DMBT1: variants seen among roughly 807,000 people sequenced by gnomAD.
The protein encoded by DMBT1 is deleted in malignant brain tumors 1.
Under a neutral mutation model 252.9 loss-of-function variants are expected in DMBT1, and 198 were observed. The ratio of observed to expected loss-of-function variants is 0.78; its 90% CI spans 0.70 to 0.88. The LOEUF is 0.88. Among genes scored for constraint, DMBT1 ranks in the 40% least tolerant of loss-of-function variants. DMBT1 has a pLI of 0.00. For missense variants in DMBT1, 2,432 were observed against 2,404.7 expected (o/e 1.01, Z -0.24); for synonymous variants, 990 against 942.7 (o/e 1.05, Z -0.92).
At chr10:122,566,994 A>G (rs3019522) in intron 2 of DMBT1, among the ~76,000 whole-genome samples, 101,999 of 152,114 alleles carry the variant, frequency 0.67, 34,566 homozygotes, top group East Asian at 0.78. Flanking sequence ...GACTTTGGCT[A>G]AATGTCCCTG....
Position 122,574,886 on chromosome 10 carries a change from G to C in DMBT1, c.283+1124G>C, listed in dbSNP as rs563600483. ...GCTCTTATCAGGAACTCTAGTGTCA[G>C]CTGGGAGTCACATTTCTTCTAGATC... On this transcript the variant is annotated intron_variant, in intron 6 of 55. Transcript: ENST00000338354. Among the ~76,000 whole-genome samples, 5 of 152,320 alleles carry C rather than the reference G, an allele frequency of 3.3e-5. No homozygotes were observed. In the South Asian group the frequency reaches 1.0e-3, roughly 32 times the overall value.
intron 26 of DMBT1, among the ~76,000 whole-genome samples, chr10:122,599,750 G>T (rs188584423): frequency 1.3e-5 from 2 of 152,278 alleles, no homozygotes; most frequent in East Asian, 1.9e-4. Context: ...AGGGATTTTG[G>T]CTGGAGTGGC....
Position 122,576,623 on chromosome 10 carries a change from C to T in DMBT1, c.508C>T (p.Arg170Cys), listed in dbSNP as rs756356724. The part of the protein sequence containing the change: ...GSGPIALDDV[R>C]CSGHESYLWS... ...AGGACCCATTGCCCTGGATGATGTG[C>T]GCTGCTCAGGACACGAATCCTACCT... Residue 170 changes from arginine to cysteine, a missense_variant, in exon 7 of 56, where the codon CGC becomes TGC. Around this residue, in one of 3 missense-constraint regions of DMBT1, gnomAD observed 1,264 missense variants for 1,082.2 expected, o/e 1.17. Transcript: ENST00000338354. 29 of 1,613,704 alleles carry T rather than the reference C, an allele frequency of 1.8e-5. No individual in the cohort carries two copies. The highest frequency in any genetic ancestry group is 6.6e-5 in the South Asian group (6 of 91,062).
At chr10:122,563,605 A>G (rs1438082334) in intron 1 of DMBT1, among the ~76,000 whole-genome samples, 1 of 151,020 alleles carries the variant, frequency 6.6e-6, no homozygotes, top group Non-Finnish European at 1.5e-5. Flanking sequence ...AAATTAATAA[A>G]TCATTTTCCA....
intron 19 of DMBT1, 107 bp from the exon 20 acceptor site, chr10:122,592,165 C>T: frequency 6.7e-7 from 1 of 1,499,190 alleles, no homozygotes; most frequent in Non-Finnish European, 9.0e-7. Flanking sequence ...ATCGTGACTG[C>T]TTGTCCAGGC....
In DMBT1 at chr10:122,578,751, C is replaced by A; in HGVS notation, c.671C>A (p.Pro224His). 1.2e-6 allele frequency: 2 copies of A among 1,608,282 alleles called. No individual in the cohort carries two copies. Among genetic ancestry groups the A allele is most frequent in the East Asian group, 2.2e-5 (1 of 44,786 alleles). ...SWPVRISPPVPTEGSESSLAL... is the reference protein window; with the variant it reads ...SWPVRISPPVHTEGSESSLAL... ...CCTGTCAGGATATCACCACCTGTAC[C>A]CACAGAAGGTAAAGAATCCTCTCAA... Residue 224 changes from proline to histidine, a missense_variant, in exon 9 of 56, where the codon CCC (proline) becomes CAC (histidine). Physicochemically the swap from Pro to His is moderately conservative, Grantham distance 77 (BLOSUM62 -2). Around this residue, in one of 3 missense-constraint regions of DMBT1, gnomAD observed 1,264 missense variants for 1,082.2 expected, o/e 1.17. Coordinates refer to ENST00000338354, the MANE Select transcript of DMBT1 (RefSeq NM_001377530.1).
In DMBT1 at chr10:122,599,031, T is replaced by C; in HGVS notation, c.3214T>C (p.Cys1072Arg). The C allele has an allele frequency of 6.2e-7, 1 of 1,613,808 alleles. No homozygotes were observed. Among genetic ancestry groups the C allele is most frequent in the South Asian group, 1.1e-5 (1 of 91,072 alleles). ...AGGACACGAGTCTTACCTGTGGAGC[T>C]GCCCCCACAATGGCTGGCTCTCCCA... ...CSGHESYLWS[C>R]PHNGWLSHNC... The change falls in exon 26 of 56, where the codon TGC becomes CGC. Residue 1072 changes from cysteine (C) to arginine (R), a missense_variant. Cys to Arg is a radical substitution (Grantham distance 180). Transcript: ENST00000338354.
At chr10:122,578,836 G>T (rs893888574) in intron 9 of DMBT1, 77 bp downstream of exon 9, 18 of 1,415,104 alleles carry the variant, frequency 1.3e-5, no homozygotes, top group East Asian at 2.4e-5. Context: ...GTTCACTTAT[G>T]ATTGCCATAA....
rs1844308051 is a variant in DMBT1, at chr10:122,640,415, T to G, written c.7318T>G (p.Phe2440Val). ...CGTGGCATCACCATACTCCAATGAC[T>G]TCACGTCTTTGACTTATGATCTAAT... ...TCVASPYSNDFTSLTYDLIRS... is the reference protein window; with the variant it reads ...TCVASPYSNDVTSLTYDLIRS... The change falls in exon 55 of 56, where the codon TTC (phenylalanine) becomes GTC (valine). Residue 2440 changes from phenylalanine to valine, a missense_variant. Phe to Val is a conservative substitution (Grantham distance 50). Coordinates refer to ENST00000338354, the MANE Select transcript of DMBT1 (RefSeq NM_001377530.1). The G allele has an allele frequency of 6.2e-7, 1 of 1,613,836 alleles. No homozygotes were observed. Among genetic ancestry groups the G allele is most frequent in the South Asian group, 1.1e-5 (1 of 91,078 alleles).
rs1392115852 is a variant in DMBT1, at chr10:122,576,407, T to A, written c.292T>A (p.Ser98Thr). The A allele has an allele frequency of 6.2e-7, 1 of 1,613,734 alleles. No individual in the cohort carries two copies. Among genetic ancestry groups the A allele is most frequent in the Admixed American group, 1.7e-5 (1 of 60,006 alleles). The change falls in exon 7 of 56, where the codon TCT becomes ACT. Residue 98 changes from serine to threonine, a missense_variant. Coordinates refer to ENST00000338354, the MANE Select transcript of DMBT1 (RefSeq NM_001377530.1). Reference protein sequence around the residue: ...LESTVAEGSDSGLALRLVNGD... With the variant: ...LESTVAEGSDTGLALRLVNGD... ...TCTGTGCCTTCCTCTAGGATCTGAT[T>A]CTGGTTTGGCCCTGAGGCTGGTGAA...
chr10:122,630,101 C>G (rs1312734432), intron 47 of DMBT1, 108 bp downstream of exon 47: 2 of 1,503,782 alleles, frequency 1.3e-6, no homozygotes, highest in Admixed American at 3.7e-5. Context: ...GTGCCATGGA[C>G]AAGCTTTTGG....
intron 16 of DMBT1, among the ~76,000 whole-genome samples, chr10:122,586,769 A>G (rs1051720849): frequency 2.8e-4 from 41 of 148,770 alleles, no homozygotes; most frequent in African/African-American, 9.5e-4. Context: ...TGGTGCAGGC[A>G]TCTGCTCGGC....
chr10:122,586,330 G>T lies in DMBT1; in HGVS notation c.1730G>T (p.Gly577Val), dbSNP rs759136456. The part of the protein sequence containing the change: ...ESYLWSCPHN[G>V]WLSHNCGHSE... Reference sequence around the variant, plus strand: ...TACTTGTGGAGCTGCCCCCACAATGGCTGGCTCTCCCATAACTGTGGCCAT... The same window carrying T: ...TACTTGTGGAGCTGCCCCCACAATGTCTGGCTCTCCCATAACTGTGGCCAT... Residue 577 changes from glycine to valine, a missense_variant, in exon 16 of 56, where the codon GGC (glycine) becomes GTC (valine). Gly to Val is a moderately radical substitution (Grantham distance 109). Coordinates refer to ENST00000338354, the MANE Select transcript of DMBT1 (RefSeq NM_001377530.1). 3.1e-6 allele frequency: 5 copies of T among 1,588,650 alleles called. No individual in the cohort carries two copies. Among genetic ancestry groups the T allele is most frequent in the Non-Finnish European group, 2.6e-6 (3 of 1,165,910 alleles).
intron 52 of DMBT1, among the ~76,000 whole-genome samples, chr10:122,633,912 T>C (rs2098187875): frequency 6.6e-6 from 1 of 152,104 alleles, no homozygotes. Context: ...GGCAGGAGGA[T>C]CACCTGAATG....
rs779210171 is a variant in DMBT1 at position 122,621,343 on chromosome 10, C to T, written c.5571C>T (p.Asn1857=). The change falls in exon 44 of 56, where the codon AAC becomes AAT. Residue 1857 remains asparagine (N), a synonymous_variant. Coordinates refer to ENST00000338354, the MANE Select transcript of DMBT1 (RefSeq NM_001377530.1). ...SCPHKGWLTH[N]CGHHEDAGVI... is the part of the protein sequence containing the mutation. ...CCCACAAAGGCTGGCTCACCCACAA[C>T]TGTGGCCATCACGAAGACGCTGGTG... 5.0e-6 allele frequency: 8 copies of T among 1,613,762 alleles called. No homozygotes were observed. Among genetic ancestry groups the T allele is most frequent in the Non-Finnish European group, 6.8e-6 (8 of 1,179,778 alleles).
At position 122,625,927 on chromosome 10, in the gene DMBT1, T is replaced by C; in HGVS notation, c.5636-6T>C. On this transcript the variant is annotated splice_region_variant and splice_polypyrimidine_tract_variant and intron_variant, in intron 45 of 55. Transcript: ENST00000338354. ...AAATCCTAAACAGCTTCATTTTTTT[T>C]TCTAGATTGGTGGCATCCAACAACT... 6.2e-7 allele frequency: 1 copy of C among 1,610,842 alleles called. No individual in the cohort carries two copies. The highest frequency in any genetic ancestry group is 8.5e-7 in the Non-Finnish European group (1 of 1,176,990).
chr10:122,627,482 G>T (rs2098126661), intron 46 of DMBT1, among the ~76,000 whole-genome samples: 1 of 151,988 alleles, frequency 6.6e-6, no homozygotes, highest in Non-Finnish European at 1.5e-5. Flanking sequence ...GAAATTATTT[G>T]TATAGAAGAA....
In DMBT1 at chr10:122,619,297, C is replaced by A; in HGVS notation, c.5216-11C>A. ...TGCATCTGATCTGACCTTCTCTTCT[C>A]TTTCTCACAGCTGCTCAGTCCCAGT... On this transcript the variant is annotated splice_polypyrimidine_tract_variant and intron_variant, in intron 41 of 55. Coordinates refer to ENST00000338354, the MANE Select transcript of DMBT1 (RefSeq NM_001377530.1). The A allele has an allele frequency of 5.6e-6, 9 of 1,614,010 alleles. No homozygotes were observed. Among genetic ancestry groups the A allele is most frequent in the Non-Finnish European group, 7.6e-6 (9 of 1,179,884 alleles).
intron 52 of DMBT1, among the ~76,000 whole-genome samples, chr10:122,634,148 A>C (rs2098190107): frequency 6.6e-6 from 1 of 152,096 alleles, no homozygotes; most frequent in Non-Finnish European, 1.5e-5. Context: ...AGGAAAACAA[A>C]ACAAAACAAA....
Sources: allele counts gnomAD v4.1 joint callset (sites outside exome capture counted in the v4.1 genomes callset), GRCh38; gene constraint gnomAD v4.1.1; regional missense constraint gnomAD v4.1.1; transcripts MANE v1.5; gene names NCBI Gene and HGNC (gene_info 2026-07-23, HGNC 2026-07-21).